The following CAMTA1 variants were observed in gnomAD, a reference collection of about 807,000 sequenced individuals.
The protein encoded by CAMTA1 is calmodulin binding transcription activator 1.
CAMTA1 carries 27 observed loss-of-function variants against 170.9 expected under a neutral mutation model. The observed-to-expected ratio is 0.16, with a 90% CI of 0.12 to 0.22. The LOEUF (loss-of-function observed/expected upper bound fraction) is 0.22. CAMTA1 is among the 10% of genes least tolerant of loss of function. CAMTA1 has a pLI of 1.00. For missense variants in CAMTA1, 1,619 were observed against 2,217.2 expected (o/e 0.73, Z 5.42); for synonymous variants, 833 against 891.5 (o/e 0.93, Z 1.17).
chr1:7,322,890 C>A (rs1678648143), intron 5 of CAMTA1, among the ~76,000 whole-genome samples: 1 of 152,016 alleles, frequency 6.6e-6, no homozygotes, highest in Non-Finnish European at 1.5e-5. Flanking sequence ...TTTTCCATGT[C>A]ATAAATTTCA....
chr1:7,036,483 T>C (rs993272765), intron 3 of CAMTA1, among the ~76,000 whole-genome samples: 1 of 152,208 alleles, frequency 6.6e-6, no homozygotes, highest in Admixed American at 6.5e-5. Flanking sequence ...AGCTTTATTA[T>C]CACCTATGAA....
intron 8 of CAMTA1, 25 bp from the exon 9 acceptor site, chr1:7,663,328 G>A (rs202185435): frequency 2.1e-5 from 32 of 1,517,166 alleles, no homozygotes; most frequent in South Asian, 5.3e-5. Flanking sequence ...GTGTGCGTGC[G>A]CGTGTTGTGT....
At chr1:7,386,305 ACT>A (rs980387635) in intron 5 of CAMTA1, among the ~76,000 whole-genome samples, 6 of 152,020 alleles carry the variant, frequency 3.9e-5, no homozygotes, top group Admixed American at 1.3e-4. Context: ...TGATGCCCTG[ACT>A]CATCATGAGC....
chr1:7,298,222 C>T (rs150754540), intron 5 of CAMTA1, among the ~76,000 whole-genome samples: 9 of 152,212 alleles, frequency 5.9e-5, no homozygotes, highest in East Asian at 1.9e-4. Context: ...CCTTCCTGTG[C>T]GGGGTGTAGG....
rs1211925158 is a variant in CAMTA1 at position 7,492,664 on chromosome 1, T to C, written c.510+24763T>C. The stretch of plus-strand genomic sequence containing the variant: ...ACATACAATCACACAAACACAAACA[T>C]ACGAACACACACACACAAACACAAA... On this transcript the variant is annotated intron_variant, in intron 6 of 22. Coordinates refer to ENST00000303635, the MANE Select transcript of CAMTA1 (RefSeq NM_015215.4). Among the ~76,000 whole-genome samples the C allele has an allele frequency of 2.8e-4, 13 of 45,916 alleles. No homozygotes were observed. The South Asian group carries it at 3.9e-3, about 14-fold the overall frequency. 30.1% of individuals were successfully genotyped at this position (45,916 alleles called of 152,430 possible). A position where few individuals can be genotyped will look rare whatever the true frequency, so the allele number is the denominator to read the frequency against.
chr1:7,219,532 A>T lies in CAMTA1; in HGVS notation c.303-29959A>T, dbSNP rs1319761166. ...TGTCTGTGCTCTCTCCTGACATTTG[A>T]ATTTTTTCTTAAAAAAAAAAAAAAA... On this transcript the variant is annotated intron_variant, in intron 4 of 22. Coordinates refer to ENST00000303635, the MANE Select transcript of CAMTA1 (RefSeq NM_015215.4). The T allele has an allele frequency of 8.6e-5, 9 of 105,242 alleles. 1 individual carries two copies. The highest frequency in any genetic ancestry group is 7.0e-5 in the Non-Finnish European group (4 of 56,954). The allele number at this position is 105,242 out of a possible 1,614,324, so 6.5% of individuals were successfully genotyped here. A position where few individuals can be genotyped will look rare whatever the true frequency, so the allele number is the denominator to read the frequency against.
At chr1:7,086,495 T>A (rs1640761151) in intron 3 of CAMTA1, among the ~76,000 whole-genome samples, 1 of 152,124 alleles carries the variant, frequency 6.6e-6, no homozygotes, top group Non-Finnish European at 1.5e-5. Context: ...TTCATGAGGA[T>A]GTGCAACCAT....
chr1:7,074,190 C>T (rs1454576209), intron 3 of CAMTA1, among the ~76,000 whole-genome samples: 2 of 152,140 alleles, frequency 1.3e-5, no homozygotes, highest in Admixed American at 1.3e-4. Context: ...TGTGAAATGA[C>T]AGAAAGATCA....
chr1:7,308,379 C>G (rs562672682), intron 5 of CAMTA1, among the ~76,000 whole-genome samples: 1 of 151,422 alleles, frequency 6.6e-6, no homozygotes, highest in African/African-American at 2.4e-5. Context: ...TTACTATCTC[C>G]TTTTGGCCTG....
intron 6 of CAMTA1, among the ~76,000 whole-genome samples, chr1:7,536,174 G>T (rs117419267): frequency 6.6e-6 from 1 of 152,176 alleles, no homozygotes; most frequent in African/African-American, 2.4e-5. Flanking sequence ...CCCCGTCATC[G>T]TGTGTATTAA....
intron 3 of CAMTA1, among the ~76,000 whole-genome samples, chr1:6,879,812 G>A (rs1014225479): frequency 7.8e-6 from 1 of 128,374 alleles, no homozygotes; most frequent in East Asian, 2.2e-4. Context: ...TTTTGGCTTT[G>A]TAGAGACGGA....
chr1:7,628,905 G>T (rs1413696843), intron 6 of CAMTA1, among the ~76,000 whole-genome samples: 1 of 152,220 alleles, frequency 6.6e-6, no homozygotes, highest in East Asian at 1.9e-4. Flanking sequence ...GAGGCCAGAG[G>T]TATGGTGACT....
chr1:7,097,773 G>A (rs1218342547), intron 4 of CAMTA1, among the ~76,000 whole-genome samples: 1 of 152,252 alleles, frequency 6.6e-6, no homozygotes, highest in Admixed American at 6.5e-5. Flanking sequence ...CACATTGTGT[G>A]ATGTGCTGAC....
intron 3 of CAMTA1, among the ~76,000 whole-genome samples, chr1:6,935,586 G>A (rs995837332): frequency 6.6e-6 from 1 of 152,184 alleles, no homozygotes; most frequent in African/African-American, 2.4e-5. Context: ...AGACCCAGCT[G>A]AACAAATGCA....
At position 7,113,767 on chromosome 1, in the gene CAMTA1, A is replaced by G. The variant is rs555268917; in HGVS notation, c.302+22396A>G. On this transcript the variant is annotated intron_variant, in intron 4 of 22. Transcript: ENST00000303635. This position sits in a 1 kb window ranked among gnomAD's most constrained non-coding sequence, Gnocchi z 4.5. ...AATATATTTTGTGCTTCAAAAATGT[A>G]ACAGATAGAAAGGAGTGAGTGCTTC... is the stretch of plus-strand genomic sequence containing the variant. Among the ~76,000 whole-genome samples the G allele has an allele frequency of 6.6e-6, 1 of 152,354 alleles. No individual in the cohort carries two copies. The highest frequency in any genetic ancestry group is 2.1e-4 in the South Asian group (1 of 4,828).
chr1:7,739,788 G>T (rs889166584), intron 16 of CAMTA1, among the ~76,000 whole-genome samples: 1 of 152,196 alleles, frequency 6.6e-6, no homozygotes, highest in African/African-American at 2.4e-5. Flanking sequence ...GGCATTATGG[G>T]AGCTACAGTT....
chr1:7,442,239 T>G (rs1216935596), intron 5 of CAMTA1, among the ~76,000 whole-genome samples: 1 of 152,196 alleles, frequency 6.6e-6, no homozygotes, highest in Non-Finnish European at 1.5e-5. Flanking sequence ...CTACTGTCAT[T>G]CATTAATCTG....
chr1:7,392,822 C>T (rs561135259), intron 5 of CAMTA1, among the ~76,000 whole-genome samples: 3 of 151,524 alleles, frequency 2.0e-5, no homozygotes, highest in Non-Finnish European at 4.4e-5. Context: ...TGCAGTGAGC[C>T]GAGATCACGC....
chr1:7,348,869 G>A (rs542686225), intron 5 of CAMTA1, among the ~76,000 whole-genome samples: 1 of 152,290 alleles, frequency 6.6e-6, no homozygotes, highest in Admixed American at 6.5e-5. Context: ...ATTGAGGAAA[G>A]ATTTTCCAAC....
Sources: gnomAD v4.1 joint callset for allele counts (sites outside exome capture counted in the v4.1 genomes callset) on GRCh38, gnomAD v4.1.1 for gene constraint, Gnocchi (gnomAD v3.1) non-coding constraint, MANE v1.5 for transcripts, NCBI Gene and HGNC (gene_info 2026-07-23, HGNC 2026-07-21) for gene names.